Variants in ARB2A observed in about 807,000 individuals in gnomAD.
The protein encoded by ARB2A is cotranscriptional regulator ARB2A.
chr5:93,682,509 T>G, the ARB2A span, among the ~76,000 whole-genome samples: 12 of 152,032 alleles, frequency 7.9e-5, no homozygotes, highest in South Asian at 2.1e-4. Context: ...AAAAGTTTTT[T>G]TTTTTTTTTT....
the ARB2A span, among the ~76,000 whole-genome samples, chr5:93,832,998 C>T: frequency 6.6e-6 from 1 of 152,124 alleles, no homozygotes; most frequent in African/African-American, 2.4e-5. Context: ...TAACTATTTA[C>T]ATGTATTATC....
the ARB2A span, among the ~76,000 whole-genome samples, chr5:93,643,236 T>A: frequency 1.3e-5 from 2 of 152,184 alleles, no homozygotes; most frequent in Admixed American, 6.5e-5. Context: ...ATATCCACTC[T>A]TGAAATTGTG....
chr5:94,021,875 C>A, the ARB2A span, among the ~76,000 whole-genome samples: 1 of 152,146 alleles, frequency 6.6e-6, no homozygotes, highest in East Asian at 1.9e-4. Flanking sequence ...TCAGGACCAG[C>A]CTGGCCAGCA....
At chr5:93,623,810 T>A in the ARB2A span, among the ~76,000 whole-genome samples, 1 of 152,138 alleles carries the variant, frequency 6.6e-6, no homozygotes, top group Non-Finnish European at 1.5e-5. Flanking sequence ...GAATTCTCCC[T>A]AAACTAAGGA....
the ARB2A span, among the ~76,000 whole-genome samples, chr5:93,890,560 T>G: frequency 6.6e-6 from 1 of 152,124 alleles, no homozygotes; most frequent in East Asian, 1.9e-4. Flanking sequence ...GAAAAAAAGC[T>G]GTATGCCCAT....
the ARB2A span, among the ~76,000 whole-genome samples, chr5:94,106,412 A>G: frequency 3.3e-5 from 5 of 152,330 alleles, no homozygotes; most frequent in East Asian, 9.6e-4. Flanking sequence ...AATGCAAATC[A>G]AAACCAAAAT....
At chr5:93,985,862 G>A in the ARB2A span, among the ~76,000 whole-genome samples, 4 of 152,190 alleles carry the variant, frequency 2.6e-5, no homozygotes, top group Admixed American at 2.6e-4. Flanking sequence ...GGGAAGTGAG[G>A]AGCGTCTCTG....
the ARB2A span, among the ~76,000 whole-genome samples, chr5:93,879,643 T>C: frequency 6.6e-6 from 1 of 151,032 alleles, no homozygotes; most frequent in Non-Finnish European, 1.5e-5. Flanking sequence ...AAAAACAGAA[T>C]AAAGAAAATG....
chr5:93,941,493 C>T, the ARB2A span, among the ~76,000 whole-genome samples: 1 of 152,106 alleles, frequency 6.6e-6, no homozygotes, highest in African/African-American at 2.4e-5. Context: ...CATTTAAACT[C>T]ATCTCAACCT....
the ARB2A span, among the ~76,000 whole-genome samples, chr5:93,798,539 G>T: frequency 6.6e-6 from 1 of 152,012 alleles, no homozygotes; most frequent in African/African-American, 2.4e-5. Context: ...GTAACATCAT[G>T]GTTTACTGAA....
the ARB2A span, among the ~76,000 whole-genome samples, chr5:93,906,786 A>G: frequency 6.6e-6 from 1 of 151,492 alleles, no homozygotes; most frequent in African/African-American, 2.4e-5. Flanking sequence ...AAGTTTGCTA[A>G]TTGATTAAAG....
the ARB2A span, among the ~76,000 whole-genome samples, chr5:93,777,632 G>T: frequency 2.6e-5 from 4 of 151,318 alleles, no homozygotes; most frequent in African/African-American, 9.7e-5. Context: ...TGCCAAAATC[G>T]CTGATTGCTA....
the ARB2A span, among the ~76,000 whole-genome samples, chr5:94,034,047 G>A: frequency 6.6e-6 from 1 of 152,168 alleles, no homozygotes; most frequent in Non-Finnish European, 1.5e-5. Flanking sequence ...CTCCCTTTAT[G>A]ATGCAGCATG....
chr5:94,066,943 A>T, the ARB2A span, among the ~76,000 whole-genome samples: 1 of 152,208 alleles, frequency 6.6e-6, no homozygotes, highest in African/African-American at 2.4e-5. Context: ...ATTACTCAAT[A>T]AAATAACAAT....
chr5:93,804,009 C>A, the ARB2A span, among the ~76,000 whole-genome samples: 4 of 151,524 alleles, frequency 2.6e-5, no homozygotes, highest in Non-Finnish European at 5.9e-5. Flanking sequence ...GGTTTGTAAC[C>A]CATGTACTCT....
the ARB2A span, among the ~76,000 whole-genome samples, chr5:94,019,947 C>G: frequency 2.0e-5 from 3 of 152,146 alleles, no homozygotes; most frequent in African/African-American, 7.2e-5. Flanking sequence ...CCTGTTCATT[C>G]ATTCACATAC....
chr5:93,835,773 T>C, the ARB2A span, among the ~76,000 whole-genome samples: 6 of 152,176 alleles, frequency 3.9e-5, no homozygotes, highest in South Asian at 1.2e-3. Context: ...CTGCCCTTAG[T>C]ATTGCCATTG....
At chr5:93,669,260 A>C in the ARB2A span, among the ~76,000 whole-genome samples, 1 of 152,198 alleles carries the variant, frequency 6.6e-6, no homozygotes, top group South Asian at 2.1e-4. Context: ...GCACACACAA[A>C]GTACCTTTTT....
At chr5:93,931,039 T>C in the ARB2A span, among the ~76,000 whole-genome samples, 2 of 152,170 alleles carry the variant, frequency 1.3e-5, no homozygotes, top group African/African-American at 4.8e-5. Context: ...CCTGTGTCCA[T>C]GTGTTCTCAC....
Sources: allele counts gnomAD v4.1 joint callset (sites outside exome capture counted in the v4.1 genomes callset), GRCh38; gene constraint gnomAD v4.1.1; transcripts MANE v1.5; gene names NCBI Gene and HGNC (gene_info 2026-07-23, HGNC 2026-07-21).